PPP2CA: variants seen among roughly 807,000 people sequenced by gnomAD.
The protein encoded by PPP2CA is serine/threonine-protein phosphatase 2A catalytic subunit alpha isoform.
PPP2CA carries 5 observed loss-of-function variants against 38.8 expected under a neutral mutation model. That is an observed-to-expected ratio of 0.13 (90% confidence interval 0.07 to 0.27). PPP2CA has a LOEUF of 0.27. Ranked by LOEUF, PPP2CA falls within the 10% of genes least tolerant of loss-of-function variation. The probability of loss-of-function intolerance (pLI) is 1.00; values close to 1 mark genes in which losing one functional copy is unlikely to be tolerated. For synonymous variants in PPP2CA, 152 were observed against 134.0 expected (o/e 1.13, Z -0.93); for missense variants, 88 against 389.7 (o/e 0.23, Z 6.52).
chr5:134,220,629 G>T (rs1352480405), intron 1 of PPP2CA, among the ~76,000 whole-genome samples: 1 of 152,100 alleles, frequency 6.6e-6, no homozygotes, highest in East Asian at 1.9e-4. Context: ...GTGTCTCCCT[G>T]TTACATATAG....
intron 1 of PPP2CA, among the ~76,000 whole-genome samples, chr5:134,213,586 G>T (rs1166333863): frequency 6.6e-6 from 1 of 152,064 alleles, no homozygotes; most frequent in Non-Finnish European, 1.5e-5. Flanking sequence ...AGGAGTTCAA[G>T]ATCAGCCTGG....
chr5:134,225,385 G>C (rs565297251), intron 1 of PPP2CA: 1 of 206,916 alleles, frequency 4.8e-6, no homozygotes, highest in Non-Finnish European at 9.9e-6. Flanking sequence ...CTCTTACTCA[G>C]CCCACCGGAG....
chr5:134,207,335 G>A (rs186156807), intron 1 of PPP2CA, among the ~76,000 whole-genome samples: 130 of 152,322 alleles, frequency 8.5e-4, no homozygotes, highest in Non-Finnish European at 1.4e-3. Context: ...AACTTGGGAG[G>A]TGGAGGTTGC....
At chr5:134,214,064 G>C (rs982970378) in intron 1 of PPP2CA, among the ~76,000 whole-genome samples, 1 of 152,150 alleles carries the variant, frequency 6.6e-6, no homozygotes, top group Non-Finnish European at 1.5e-5. Flanking sequence ...AGGAGGCAGA[G>C]GTTGCAGTGA....
chr5:134,212,375 G>C (rs1176275460), intron 1 of PPP2CA, among the ~76,000 whole-genome samples: 1 of 152,174 alleles, frequency 6.6e-6, no homozygotes, highest in Non-Finnish European at 1.5e-5. Context: ...TATGTGATCA[G>C]TGATCTTTGA....
At chr5:134,209,010 G>C (rs1762144130) in intron 1 of PPP2CA, among the ~76,000 whole-genome samples, 1 of 151,988 alleles carries the variant, frequency 6.6e-6, no homozygotes, top group African/African-American at 2.4e-5. Flanking sequence ...TACATATGCA[G>C]GCACATTTCC....
rs1178874724 is a variant in PPP2CA at position 134,220,241 on chromosome 5, T to A, written c.102+5519A>T. On this transcript the variant is annotated intron_variant, in intron 1 of 6. Coordinates refer to ENST00000481195, the MANE Select transcript of PPP2CA (RefSeq NM_002715.4). The stretch of plus-strand genomic sequence containing the variant: ...TGGGAGGCTGAGATGGGTGGATCAC[T>A]TGACGTAAGGAGTTCAAGACCAGCC... Among the ~76,000 whole-genome samples, 7 of 151,396 alleles carry A rather than the reference T, an allele frequency of 4.6e-5. No homozygotes were observed. In the East Asian group the frequency reaches 1.2e-3, roughly 25 times the overall value.
At chr5:134,211,998 T>C (rs1762214706) in intron 1 of PPP2CA, among the ~76,000 whole-genome samples, 1 of 152,082 alleles carries the variant, frequency 6.6e-6, no homozygotes. Flanking sequence ...CAGGCACCTG[T>C]AATCCCAGCT....
At chr5:134,217,104 G>C (rs1225841941) in intron 1 of PPP2CA, among the ~76,000 whole-genome samples, 1 of 152,136 alleles carries the variant, frequency 6.6e-6, no homozygotes, top group Non-Finnish European at 1.5e-5. Flanking sequence ...CCAACACAGA[G>C]AAACCTCATC....
rs1761861841 is a variant in PPP2CA, at chr5:134,196,854, T to G, written c.*918A>C. 6.6e-6 allele frequency: 1 copy of G among 152,562 alleles called. No individual in the cohort carries two copies. Among genetic ancestry groups the G allele is most frequent in the Non-Finnish European group, 1.5e-5 (1 of 68,034 alleles). 9.5% of individuals were successfully genotyped at this position (152,562 alleles called of 1,614,324 possible). A position where few individuals can be genotyped will look rare whatever the true frequency, so the allele number is the denominator to read the frequency against. On this transcript the variant is annotated 3_prime_UTR_variant, in exon 7 of 7. Transcript: ENST00000481195. ...TTCCTTTCTTACAAACAAGTTAATA[T>G]GCAGGAAGAACCCACAAAGTGCACA...
chr5:134,198,463 A>C (rs73277683), intron 6 of PPP2CA, among the ~76,000 whole-genome samples: 14,993 of 152,252 alleles, frequency 0.098, 876 homozygotes, highest in Admixed American at 0.15. Context: ...ATTCATACGA[A>C]GATCTATATA....
intron 1 of PPP2CA, among the ~76,000 whole-genome samples, chr5:134,218,669 C>CTTTTT (rs11400515): frequency 6.9e-6 from 1 of 144,450 alleles, no homozygotes; most frequent in African/African-American, 2.5e-5. Flanking sequence ...TTGTTTCTTT[C>CTTTTT]TTTTTTTTTT....
chr5:134,219,314 T>G (rs1762387102), intron 1 of PPP2CA, among the ~76,000 whole-genome samples: 1 of 152,240 alleles, frequency 6.6e-6, no homozygotes, highest in Admixed American at 6.5e-5. Flanking sequence ...AATGAAGGTT[T>G]ATTAAATACT....
intron 1 of PPP2CA, among the ~76,000 whole-genome samples, chr5:134,222,437 C>T (rs867944946): frequency 1.3e-5 from 2 of 152,018 alleles, no homozygotes; most frequent in East Asian, 3.8e-4. Flanking sequence ...TCCATACTCA[C>T]GTAACAAATG....
intron 2 of PPP2CA, among the ~76,000 whole-genome samples, chr5:134,204,696 G>A (rs573837125): frequency 1.3e-5 from 2 of 152,046 alleles, no homozygotes; most frequent in Non-Finnish European, 2.9e-5. Flanking sequence ...GGACTCAAGT[G>A]ATCCTTCCCG....
chr5:134,209,035 A>G (rs1366280138), intron 1 of PPP2CA, among the ~76,000 whole-genome samples: 1 of 152,196 alleles, frequency 6.6e-6, no homozygotes, highest in African/African-American at 2.4e-5. Context: ...AGAAGATACT[A>G]TGAAGTGAAC....
chr5:134,223,399 A>G (rs1418538758), intron 1 of PPP2CA, among the ~76,000 whole-genome samples: 2 of 152,230 alleles, frequency 1.3e-5, no homozygotes, highest in Non-Finnish European at 2.9e-5. Flanking sequence ...CTGTCTTCAA[A>G]TTAATTTAGT....
intron 1 of PPP2CA, among the ~76,000 whole-genome samples, chr5:134,221,303 G>A (rs374738014): frequency 3.3e-5 from 5 of 152,112 alleles, no homozygotes; most frequent in South Asian, 2.1e-4. Context: ...AAGTAGAGAC[G>A]GGGCTTCACC....
chr5:134,197,521 G>T lies in PPP2CA; in HGVS notation c.*251C>A. 2.1e-6 allele frequency: 1 copy of T among 486,374 alleles called. No individual in the cohort carries two copies. Among genetic ancestry groups the T allele is most frequent in the Non-Finnish European group, 3.7e-6 (1 of 268,350 alleles). The allele number at this position is 486,374 out of a possible 1,614,324, so 30.1% of individuals were successfully genotyped here. A position where few individuals can be genotyped will look rare whatever the true frequency, so the allele number is the denominator to read the frequency against. ...GAAAGCAAAAGTAACTACAAATAGCGCTATGCCAGAAACTGGTTTCTTGAC... is the reference window on the plus strand; with the variant it reads ...GAAAGCAAAAGTAACTACAAATAGCTCTATGCCAGAAACTGGTTTCTTGAC... On this transcript the variant is annotated 3_prime_UTR_variant, in exon 7 of 7. Coordinates refer to ENST00000481195, the MANE Select transcript of PPP2CA (RefSeq NM_002715.4).
Sources: allele counts gnomAD v4.1 joint callset (sites outside exome capture counted in the v4.1 genomes callset), GRCh38; gene constraint gnomAD v4.1.1; transcripts MANE v1.5; gene names NCBI Gene and HGNC (gene_info 2026-07-23, HGNC 2026-07-21).